Variants in TMEM132B observed in about 807,000 individuals in gnomAD.
TMEM132B encodes the protein transmembrane protein 132B.
In TMEM132B, 18 loss-of-function variants were observed where a neutral mutation model predicts 90.8. That is an observed-to-expected ratio of 0.20 (90% confidence interval 0.14 to 0.29). TMEM132B has a LOEUF of 0.29. TMEM132B is among the 10% of genes least tolerant of loss of function. The pLI is 1.00. For synonymous variants in TMEM132B, 504 were observed against 523.3 expected (o/e 0.96, Z 0.50); for missense variants, 1,096 against 1,326.8 (o/e 0.83, Z 2.70).
At chr12:125,519,253 T>TGC (rs1566061365) in intron 3 of TMEM132B, among the ~76,000 whole-genome samples, 186 bp from the exon 4 acceptor site, 12 of 152,084 alleles carry the variant, frequency 7.9e-5, no homozygotes, top group African/African-American at 2.7e-4. Flanking sequence ...ATCGTCAGCC[T>TGC]ATTCTGAGGT....
At chr12:125,530,301 C>CCT (rs1033208877) in intron 4 of TMEM132B, among the ~76,000 whole-genome samples, 4 of 149,454 alleles carry the variant, frequency 2.7e-5, no homozygotes, top group Admixed American at 2.0e-4. Flanking sequence ...TTTCTTTTCT[C>CCT]CTCTCTCTCT....
chr12:125,608,442 G>A (rs901598815), intron 5 of TMEM132B, among the ~76,000 whole-genome samples: 5 of 151,904 alleles, frequency 3.3e-5, no homozygotes, highest in African/African-American at 9.7e-5. Flanking sequence ...TCTCAGTTTC[G>A]AGGTCTCTTT....
chr12:125,415,450 G>A lies in TMEM132B; in HGVS notation c.960-81G>A. The A allele has an allele frequency of 6.5e-7, 1 of 1,532,216 alleles. No homozygotes were observed. The highest frequency in any genetic ancestry group is 1.3e-5 in the South Asian group (1 of 78,578). The allele number at this position is 1,532,216 out of a possible 1,614,324, so 94.9% of individuals were successfully genotyped here. On this transcript the variant is annotated intron_variant, in intron 2 of 8. Coordinates refer to ENST00000682704, the MANE Select transcript of TMEM132B (RefSeq NM_001366854.1). The surrounding 1 kb of genome is among the most constrained non-coding windows in gnomAD (Gnocchi z 5.3). Reference sequence around the variant, plus strand: ...GTTACAGATGCTTTCCCAGTGATCTGCTCTCGTGCCATCTTTTACTACCTG... The same window carrying A: ...GTTACAGATGCTTTCCCAGTGATCTACTCTCGTGCCATCTTTTACTACCTG...
chr12:125,289,823 G>C (rs555992665), intron 1 of TMEM132B, among the ~76,000 whole-genome samples: 6 of 152,160 alleles, frequency 3.9e-5, no homozygotes, highest in Non-Finnish European at 8.8e-5. Context: ...CTCAACCATC[G>C]GGCCACACTG....
chr12:125,588,943 G>A, intron 5 of TMEM132B, among the ~76,000 whole-genome samples: 1 of 152,132 alleles, frequency 6.6e-6, no homozygotes. Flanking sequence ...GATTAAATAA[G>A]AATGTATATC....
intron 1 of TMEM132B, among the ~76,000 whole-genome samples, chr12:125,270,302 C>G (rs1874806004): frequency 6.6e-6 from 1 of 152,224 alleles, no homozygotes; most frequent in South Asian, 2.1e-4. Flanking sequence ...GCATCCTACC[C>G]TGCTAAGTTT....
intron 3 of TMEM132B, among the ~76,000 whole-genome samples, chr12:125,496,218 G>A (rs1882556461): frequency 6.6e-6 from 1 of 152,146 alleles, no homozygotes; most frequent in African/African-American, 2.4e-5. Flanking sequence ...GTAATTGTAA[G>A]ACTTCGTAAT....
chr12:125,443,233 G>A (rs745784794), intron 3 of TMEM132B, among the ~76,000 whole-genome samples: 8 of 152,204 alleles, frequency 5.3e-5, no homozygotes, highest in Non-Finnish European at 1.2e-4. Flanking sequence ...GGAGACCCAG[G>A]TGTGAGGTGG....
intron 4 of TMEM132B, among the ~76,000 whole-genome samples, chr12:125,568,414 A>C (rs1384340770): frequency 1.3e-5 from 2 of 152,062 alleles, no homozygotes; most frequent in African/African-American, 4.8e-5. Context: ...GGGTCTCTCC[A>C]TGAATCTTCA....
chr12:125,416,295 T>A (rs1396875291), intron 3 of TMEM132B, among the ~76,000 whole-genome samples: 1 of 152,210 alleles, frequency 6.6e-6, no homozygotes, highest in Non-Finnish European at 1.5e-5. Flanking sequence ...CTCTGTTTTC[T>A]TCTTGTTTCA....
chr12:125,367,738 C>T (rs1213876407), intron 2 of TMEM132B, among the ~76,000 whole-genome samples: 1 of 152,172 alleles, frequency 6.6e-6, no homozygotes, highest in East Asian at 1.9e-4. Context: ...TGTTTACTCT[C>T]TAGTGCCTTT....
At chr12:125,466,573 A>T (rs1390805594) in intron 3 of TMEM132B, among the ~76,000 whole-genome samples, 2 of 152,252 alleles carry the variant, frequency 1.3e-5, no homozygotes, top group African/African-American at 4.8e-5. Context: ...CTCCATGGCC[A>T]GGCTGGCGTT....
intron 1 of TMEM132B, among the ~76,000 whole-genome samples, chr12:125,228,677 C>T (rs1873739319): frequency 6.6e-6 from 1 of 152,222 alleles, no homozygotes; most frequent in South Asian, 2.1e-4. Context: ...ATCGAATGCT[C>T]TCTGCAGCAG....
chr12:125,614,952 A>T (rs1465892215), intron 5 of TMEM132B, among the ~76,000 whole-genome samples: 3 of 152,090 alleles, frequency 2.0e-5, no homozygotes, highest in African/African-American at 7.2e-5. Flanking sequence ...CAGTTGTAGG[A>T]TTCTTGGTTG....
At position 125,277,514 on chromosome 12, in the gene TMEM132B, CACACACACACACACAT is replaced by C. The variant is rs1339680294; in HGVS notation, c.68-71925_68-71910del. Among the ~76,000 whole-genome samples, 2 of 151,154 alleles carry C rather than the reference CACACACACACACACAT, an allele frequency of 1.3e-5. No individual in the cohort carries two copies. Among genetic ancestry groups the C allele is most frequent in the Non-Finnish European group, 1.5e-5 (1 of 67,880 alleles). On this transcript the variant is annotated intron_variant, in intron 1 of 8. Coordinates refer to ENST00000682704, the MANE Select transcript of TMEM132B (RefSeq NM_001366854.1). The surrounding 1 kb of genome is among the most constrained non-coding windows in gnomAD (Gnocchi z 4.3). ...GATGAAGAGGGAGAACACACACACA[CACACACACACACACAT>C]ACACACACACACGGGAAGGCCATGT...
In TMEM132B at chr12:125,504,006, T is replaced by C. The variant is rs556266663; in HGVS notation, c.1107-15433T>C. On this transcript the variant is annotated intron_variant, in intron 3 of 8. Coordinates refer to ENST00000682704, the MANE Select transcript of TMEM132B (RefSeq NM_001366854.1). ...CCTATAAGAAAGATTTCGAGGCTGT[T>C]GTAATTAATACAATGGGCCAAGTCA... Among the ~76,000 whole-genome samples, 6 of 152,362 alleles carry C rather than the reference T, an allele frequency of 3.9e-5. No individual in the cohort carries two copies. The South Asian group carries it at 8.3e-4, about 21-fold the overall frequency.
intron 4 of TMEM132B, among the ~76,000 whole-genome samples, chr12:125,534,899 C>G (rs1883757039): frequency 6.6e-6 from 1 of 152,164 alleles, no homozygotes; most frequent in Non-Finnish European, 1.5e-5. Flanking sequence ...TGCCACATTT[C>G]AAGTGCTCAG....
At chr12:125,418,385 T>C (rs2136369662) in intron 3 of TMEM132B, among the ~76,000 whole-genome samples, 1 of 152,268 alleles carries the variant, frequency 6.6e-6, no homozygotes, top group South Asian at 2.1e-4. Flanking sequence ...TTCTCTTACT[T>C]CACATTTAGT....
In TMEM132B at chr12:125,246,638, C is replaced by G. The variant is rs950694799; in HGVS notation, c.67+59772C>G. On this transcript the variant is annotated intron_variant, in intron 1 of 8. Coordinates refer to ENST00000682704, the MANE Select transcript of TMEM132B (RefSeq NM_001366854.1). This position sits in a 1 kb window ranked among gnomAD's most constrained non-coding sequence, Gnocchi z 4.2. ...CACAGTGCCATTTAAAGAGGAAGCC[C>G]TGGTTCCAGTGTTGGCTTCAGAGAA... Among the ~76,000 whole-genome samples, 4 of 152,216 alleles carry G rather than the reference C, an allele frequency of 2.6e-5. No individual in the cohort carries two copies. The highest frequency in any genetic ancestry group is 2.6e-4 in the Admixed American group (4 of 15,292).
Sources: gnomAD v4.1 joint callset for allele counts (sites outside exome capture counted in the v4.1 genomes callset) on GRCh38, gnomAD v4.1.1 for gene constraint, Gnocchi (gnomAD v3.1) non-coding constraint, MANE v1.5 for transcripts, NCBI Gene and HGNC (gene_info 2026-07-23, HGNC 2026-07-21) for gene names.